PLEKHA6: variants seen among roughly 807,000 people sequenced by gnomAD.
The protein encoded by PLEKHA6 is pleckstrin homology domain-containing family A member 6.
PLEKHA6 carries 60 observed loss-of-function variants against 116.7 expected under a neutral mutation model. The ratio of observed to expected loss-of-function variants is 0.51; its 90% CI spans 0.42 to 0.64. The LOEUF (loss-of-function observed/expected upper bound fraction) is 0.64, where lower values mean the gene tolerates loss of function less well. Among genes scored for constraint, PLEKHA6 ranks in the 30% least tolerant of loss-of-function variants. The pLI, the probability that PLEKHA6 is intolerant of heterozygous loss-of-function variation, is 0.00. For synonymous variants in PLEKHA6, 489 were observed against 556.1 expected (o/e 0.88, Z 1.70); for missense variants, 1,338 against 1,422.7 (o/e 0.94, Z 0.96).
intron 3 of PLEKHA6, 144 bp from the exon 4 acceptor site, chr1:204,268,456 T>G: frequency 4.6e-6 from 2 of 432,880 alleles, no homozygotes. Context: ...GTGTGAATCT[T>G]GGATCTATTA....
In PLEKHA6 at chr1:204,245,605, A is replaced by T; in HGVS notation, c.2032+10T>A. Reference sequence around the variant, plus strand: ...AGGCAGCCTAGGAGGCTGGCACAGGAGGCACCCACCTCTGTGCTTGGCGGT... The same window carrying T: ...AGGCAGCCTAGGAGGCTGGCACAGGTGGCACCCACCTCTGTGCTTGGCGGT... On this transcript the variant is annotated intron_variant, in intron 14 of 22. Coordinates refer to ENST00000272203, the MANE Select transcript of PLEKHA6 (RefSeq NM_014935.5). 6.5e-7 allele frequency: 1 copy of T among 1,547,634 alleles called. No homozygotes were observed. The highest frequency in any genetic ancestry group is 8.9e-7 in the Non-Finnish European group (1 of 1,120,440).
At position 204,238,262 on chromosome 1, in the gene PLEKHA6, G is replaced by A. The variant is rs188297859; in HGVS notation, c.2409+3113C>T. 1.9e-4 allele frequency among the ~76,000 whole-genome samples: 29 copies of A among 152,294 alleles called. 1 individual carries two copies. In the East Asian group the frequency reaches 5.0e-3, roughly 26 times the overall value. On this transcript the variant is annotated intron_variant, in intron 17 of 22. Transcript: ENST00000272203. The surrounding 1 kb of genome is among the most constrained non-coding windows in gnomAD (Gnocchi z 4.2). The stretch of plus-strand genomic sequence containing the variant: ...GGCCATATGACCCAGCGGATCCAAT[G>A]GTGCTTGAGGTGTCAGTGACAGATC...
upstream of PLEKHA6, among the ~76,000 whole-genome samples, chr1:204,361,930 G>A (rs1001753327): frequency 4.7e-4 from 72 of 152,374 alleles, no homozygotes; most frequent in African/African-American, 1.6e-3. Flanking sequence ...TCAGGCAGCT[G>A]GAAAAGGCAG....
intron 1 of PLEKHA6, among the ~76,000 whole-genome samples, chr1:204,310,447 C>T (rs1001102563): frequency 9.9e-5 from 15 of 152,234 alleles, no homozygotes; most frequent in African/African-American, 3.4e-4. Context: ...CTGAAATCCA[C>T]TGGCCCAGTT....
At chr1:204,373,542 A>G (rs1673815046) in intron 1 of PLEKHA6, among the ~76,000 whole-genome samples, 1 of 152,062 alleles carries the variant, frequency 6.6e-6, no homozygotes. Context: ...GCTTTTTTCC[A>G]TATTGTGGTG....
Position 204,348,054 on chromosome 1 carries a change from C to G in PLEKHA6, c.-95+11640G>C, listed in dbSNP as rs141782232. On this transcript the variant is annotated intron_variant, in intron 1 of 22. Transcript: ENST00000272203. ...CTTGAATTTCAGCGGAATTCCTAGT[C>G]GCACACACCCACCACCCTGGCCTGT... is the stretch of plus-strand genomic sequence containing the variant. Among the ~76,000 whole-genome samples, 5 of 152,256 alleles carry G rather than the reference C, an allele frequency of 3.3e-5. No homozygotes were observed. The East Asian group carries it at 9.6e-4, about 29-fold the overall frequency.
At chr1:204,256,802 C>T in intron 9 of PLEKHA6, 1 of 623,664 alleles carries the variant, frequency 1.6e-6, no homozygotes, top group South Asian at 1.9e-5. Context: ...AAGGACGTAC[C>T]ATCTTATCGT....
At chr1:204,372,871 ACAGTCATGCAATCATACAATC>A (rs1427122515) in intron 1 of PLEKHA6, among the ~76,000 whole-genome samples, 1 of 151,434 alleles carries the variant, frequency 6.6e-6, no homozygotes, top group African/African-American at 2.4e-5. Context: ...ATCATACAAT[ACAGTCATGCAATCATACAATC>A]ATACATCTTT....
intron 1 of PLEKHA6, among the ~76,000 whole-genome samples, chr1:204,375,658 T>G (rs77676228): frequency 0.026 from 3,914 of 152,218 alleles, 127 homozygotes; most frequent in African/African-American, 0.077. Flanking sequence ...GACAAGGCTC[T>G]AAACACAGAC....
intron 12 of PLEKHA6, among the ~76,000 whole-genome samples, chr1:204,248,227 C>T (rs1337150655): frequency 1.5e-5 from 2 of 135,464 alleles, no homozygotes; most frequent in African/African-American, 5.6e-5. Flanking sequence ...GGTGCGATCT[C>T]GGCTCACGGC....
intron 1 of PLEKHA6, chr1:204,311,506 T>C (rs1353804853): frequency 1.7e-6 from 1 of 588,626 alleles, no homozygotes; most frequent in African/African-American, 2.0e-5. Context: ...AAAAAAAAAG[T>C]TATTCTGCTT....
intron 1 of PLEKHA6, among the ~76,000 whole-genome samples, chr1:204,353,537 C>T (rs1453716815): frequency 6.6e-6 from 1 of 152,164 alleles, no homozygotes; most frequent in African/African-American, 2.4e-5. Context: ...AGGTCAGAGT[C>T]CAAGAAGCAG....
At chr1:204,306,717 T>G (rs9787329) in intron 1 of PLEKHA6, among the ~76,000 whole-genome samples, 149,351 of 152,336 alleles carry the variant, frequency 0.98, 73,212 homozygotes, top group East Asian at 1. Flanking sequence ...AAATGGGGGA[T>G]AAACCTATTG....
intron 4 of PLEKHA6, 64 bp downstream of exon 4, chr1:204,268,144 G>A (rs997169154): frequency 2.1e-5 from 22 of 1,038,228 alleles, no homozygotes; most frequent in Non-Finnish European, 3.1e-5. Context: ...TAAGCACAGA[G>A]GAATCCTTAT....
intron 1 of PLEKHA6, among the ~76,000 whole-genome samples, chr1:204,375,179 C>T (rs1214328701): frequency 2.6e-5 from 4 of 152,124 alleles, no homozygotes; most frequent in African/African-American, 7.2e-5. Flanking sequence ...TTCCCTCGCA[C>T]TCTTCTGGGT....
At chr1:204,224,331 A>G (rs1017852722) in intron 21 of PLEKHA6, among the ~76,000 whole-genome samples, 4 of 152,062 alleles carry the variant, frequency 2.6e-5, no homozygotes, top group African/African-American at 9.7e-5. Context: ...GACAAGCTCT[A>G]TGCAGTCTCC....
chr1:204,301,643 T>A (rs1222930233), intron 1 of PLEKHA6, among the ~76,000 whole-genome samples: 1 of 152,142 alleles, frequency 6.6e-6, no homozygotes, highest in Non-Finnish European at 1.5e-5. Context: ...GGCTTGAGTT[T>A]ATGAGGAATT....
At chr1:204,336,629 A>C (rs1672658118) in intron 1 of PLEKHA6, among the ~76,000 whole-genome samples, 2 of 152,228 alleles carry the variant, frequency 1.3e-5, no homozygotes, top group South Asian at 2.1e-4. Context: ...TAGATCATGC[A>C]CTAGGCCAAC....
At chr1:204,328,370 T>C (rs142872794) in intron 1 of PLEKHA6, among the ~76,000 whole-genome samples, 2,291 of 143,718 alleles carry the variant, frequency 0.016, 25 homozygotes, top group Middle Eastern at 0.064. Flanking sequence ...GCGTGAGCCA[T>C]TGCACCCAAC....
Sources: gnomAD v4.1 joint callset for allele counts (sites outside exome capture counted in the v4.1 genomes callset) on GRCh38, gnomAD v4.1.1 for gene constraint, Gnocchi (gnomAD v3.1) non-coding constraint, MANE v1.5 for transcripts, NCBI Gene and HGNC (gene_info 2026-07-23, HGNC 2026-07-21) for gene names.